The following PAWR variants were observed in gnomAD, a reference collection of about 807,000 sequenced individuals.
The protein encoded by PAWR is PRKC apoptosis WT1 regulator protein.
Under a neutral mutation model 32.0 loss-of-function variants are expected in PAWR, and 23 were observed. The observed-to-expected ratio is 0.72, with a 90% confidence interval of 0.52 to 1.02. The LOEUF (loss-of-function observed/expected upper bound fraction) is 1.02, where lower values mean the gene tolerates loss of function less well. Among genes scored for constraint, PAWR ranks in the 50% least tolerant of loss-of-function variants. The pLI, the probability that PAWR is intolerant of heterozygous loss-of-function variation, is 0.00. For missense variants in PAWR, 457 were observed against 437.7 expected (o/e 1.04, Z -0.39); for synonymous variants, 226 against 187.1 (o/e 1.21, Z -1.70).
At chr12:79,605,244 G>T (rs956051644) in intron 4 of PAWR, among the ~76,000 whole-genome samples, 3 of 151,660 alleles carry the variant, frequency 2.0e-5, no homozygotes, top group African/African-American at 7.3e-5. Context: ...TTGCAGTTAG[G>T]GAATATCATA....
chr12:79,626,621 G>A (rs954301862), intron 2 of PAWR, among the ~76,000 whole-genome samples: 1 of 150,710 alleles, frequency 6.6e-6, no homozygotes, highest in Non-Finnish European at 1.5e-5. Flanking sequence ...TTAAGTTTTA[G>A]GGTACATGTG....
intron 2 of PAWR, among the ~76,000 whole-genome samples, chr12:79,684,318 T>C (rs766041294): frequency 2.6e-5 from 4 of 152,010 alleles, no homozygotes; most frequent in African/African-American, 9.7e-5. Context: ...AAATAATAAA[T>C]AGCATAGATA....
At chr12:79,643,619 T>C (rs144618612) in intron 2 of PAWR, among the ~76,000 whole-genome samples, 65 of 152,216 alleles carry the variant, frequency 4.3e-4, no homozygotes, top group African/African-American at 1.5e-3. Context: ...CCAAAAAGCC[T>C]TCATAAAACA....
At chr12:79,663,531 G>A (rs1017583005) in intron 2 of PAWR, among the ~76,000 whole-genome samples, 3 of 152,156 alleles carry the variant, frequency 2.0e-5, no homozygotes, top group Admixed American at 6.5e-5. Context: ...GCTGAGGCAG[G>A]AGGATCGCTT....
At chr12:79,658,952 C>G (rs1415001812) in intron 2 of PAWR, among the ~76,000 whole-genome samples, 1 of 150,906 alleles carries the variant, frequency 6.6e-6, no homozygotes, top group Admixed American at 6.6e-5. Flanking sequence ...TGAGCCACTG[C>G]TCCTGGCCTC....
chr12:79,653,775 G>C (rs773435644), intron 2 of PAWR, among the ~76,000 whole-genome samples: 8 of 152,206 alleles, frequency 5.3e-5, no homozygotes, highest in Admixed American at 4.6e-4. Context: ...CACTGCACCT[G>C]CCCTCAGTGC....
chr12:79,613,261 C>A (rs1189458291), intron 4 of PAWR, among the ~76,000 whole-genome samples: 3 of 152,110 alleles, frequency 2.0e-5, no homozygotes, highest in African/African-American at 7.2e-5. Flanking sequence ...GCACTCTGAG[C>A]TAACTAATAC....
rs190209126 is a variant in PAWR at position 79,593,454 on chromosome 12, A to G, written c.937-761T>C. Among the ~76,000 whole-genome samples, 292 of 152,178 alleles carry G rather than the reference A, an allele frequency of 1.9e-3. 1 individual carries two copies. The highest frequency in any genetic ancestry group is 6.0e-3 in the African/African-American group (248 of 41,532). On this transcript the variant is annotated intron_variant, in intron 6 of 6. Transcript: ENST00000328827. ...ACCATCTGGTTAAAACAAATTCACC[A>G]TAAGTTTTAGTTACAAGAAACATTA...
At chr12:79,626,553 C>A (rs931496354) in intron 2 of PAWR, among the ~76,000 whole-genome samples, 4 of 151,658 alleles carry the variant, frequency 2.6e-5, no homozygotes, top group African/African-American at 7.3e-5. Context: ...GCCACACGCC[C>A]CGCCGAAATG....
chr12:79,665,175 G>C (rs1199602353), intron 2 of PAWR, among the ~76,000 whole-genome samples: 3 of 152,140 alleles, frequency 2.0e-5, no homozygotes. Context: ...AAATTTTATA[G>C]AGACAAAAAT....
At chr12:79,605,262 AT>A (rs1874127610) in intron 4 of PAWR, among the ~76,000 whole-genome samples, 1 of 152,146 alleles carries the variant, frequency 6.6e-6, no homozygotes, top group African/African-American at 2.4e-5. Flanking sequence ...ATACATATTC[AT>A]TTCTGGTATA....
chr12:79,666,742 T>C (rs1178791228), intron 2 of PAWR, among the ~76,000 whole-genome samples: 1 of 150,984 alleles, frequency 6.6e-6, no homozygotes, highest in Non-Finnish European at 1.5e-5. Context: ...TGCAGTGGGC[T>C]TTTTTTCCAA....
At chr12:79,650,354 A>T (rs568288107) in intron 2 of PAWR, among the ~76,000 whole-genome samples, 1 of 152,356 alleles carries the variant, frequency 6.6e-6, no homozygotes, top group African/African-American at 2.4e-5. Context: ...TTATCAACAA[A>T]ACTGCTAGTT....
At chr12:79,643,328 T>C (rs575981482) in intron 2 of PAWR, among the ~76,000 whole-genome samples, 1 of 152,234 alleles carries the variant, frequency 6.6e-6, no homozygotes, top group South Asian at 2.1e-4. Flanking sequence ...AAATACTTAA[T>C]AGTCAAAGAA....
chr12:79,676,421 C>T (rs1186293599), intron 2 of PAWR, among the ~76,000 whole-genome samples: 6 of 151,944 alleles, frequency 3.9e-5, no homozygotes, highest in Admixed American at 6.6e-5. Context: ...CAACTGAAGA[C>T]ACTAACAGTC....
chr12:79,646,350 A>T (rs577942080), intron 2 of PAWR, among the ~76,000 whole-genome samples: 3 of 152,190 alleles, frequency 2.0e-5, no homozygotes, highest in African/African-American at 2.4e-5. Context: ...TTCTCTGTAG[A>T]TACTGAACTA....
chr12:79,632,322 T>TAC (rs1326983257), intron 2 of PAWR, among the ~76,000 whole-genome samples: 705 of 28,502 alleles, frequency 0.025, 31 homozygotes, highest in African/African-American at 0.041. Context: ...CATATATATA[T>TAC]ATATATATAT....
intron 2 of PAWR, among the ~76,000 whole-genome samples, chr12:79,648,231 G>A (rs1876671889): frequency 6.6e-6 from 1 of 152,148 alleles, no homozygotes; most frequent in South Asian, 2.1e-4. Flanking sequence ...AGACTGGTAG[G>A]TTAAGAGATG....
rs150164623 is a variant in PAWR at position 79,665,417 on chromosome 12, T to C, written c.516+24312A>G. 5.4e-3 allele frequency among the ~76,000 whole-genome samples: 829 copies of C among 152,326 alleles called. 13 individuals are homozygous for C. The highest frequency in any genetic ancestry group is 0.015 in the African/African-American group (612 of 41,576). On this transcript the variant is annotated intron_variant, in intron 2 of 6. Transcript: ENST00000328827. ...CTTCCCACATCTAACCCACATTAAA[T>C]GACTATTTAAACTGCCAAATATTTT...
Sources: allele counts gnomAD v4.1 joint callset (sites outside exome capture counted in the v4.1 genomes callset), GRCh38; gene constraint gnomAD v4.1.1; transcripts MANE v1.5; gene names NCBI Gene and HGNC (gene_info 2026-07-23, HGNC 2026-07-21).